The following CSF2RB variants were observed in gnomAD, a reference collection of about 807,000 sequenced individuals.
CSF2RB encodes the protein colony stimulating factor 2 receptor subunit beta.
Under a neutral mutation model 67.2 loss-of-function variants are expected in CSF2RB, and 22 were observed. The ratio of observed to expected loss-of-function variants is 0.33; its 90% CI spans 0.23 to 0.47. CSF2RB has a LOEUF of 0.47. Ranked by LOEUF, CSF2RB falls within the 20% of genes least tolerant of loss-of-function variation. The probability of loss-of-function intolerance (pLI) is 1.00; values close to 1 mark genes in which losing one functional copy is unlikely to be tolerated. For missense variants in CSF2RB, 1,113 were observed against 1,174.5 expected (o/e 0.95, Z 0.76); for synonymous variants, 507 against 482.9 (o/e 1.05, Z -0.65).
intron 1 of CSF2RB, among the ~76,000 whole-genome samples, chr22:36,921,307 G>C (rs1940863312): frequency 6.6e-6 from 1 of 151,530 alleles, no homozygotes; most frequent in African/African-American, 2.4e-5. Flanking sequence ...GTATGTATCT[G>C]TGTGTGTCTG....
Position 36,937,779 on chromosome 22 carries a change from G to A in CSF2RB, c.1971G>A (p.Arg657=). 5 of 1,581,068 alleles carry A rather than the reference G, an allele frequency of 3.2e-6. No individual in the cohort carries two copies. The highest frequency in any genetic ancestry group is 4.3e-6 in the Non-Finnish European group (5 of 1,163,498). The part of the protein sequence containing the change: ...GPGQAVEVER[R]PSQGAAGSPS... ...GACAGGCCGTGGAAGTGGAGAGAAG[G>A]CCGAGCCAGGGGGCTGCAGGGAGTC... The change falls in exon 14 of 14, where the codon AGG becomes AGA. Residue 657 remains arginine (R), a synonymous_variant. Transcript: ENST00000403662. This position sits in a 1 kb window ranked among gnomAD's most constrained non-coding sequence, Gnocchi z 4.6.
intron 4 of CSF2RB, 92 bp downstream of exon 4, chr22:36,926,269 C>G: frequency 7.6e-7 from 1 of 1,323,640 alleles, no homozygotes; most frequent in Non-Finnish European, 1.1e-6. Context: ...AGGCAGAAGG[C>G]TGTGGCTTGG....
Position 36,915,384 on chromosome 22 carries a change from T to C in CSF2RB, c.-173+1707T>C, listed in dbSNP as rs573316328. On this transcript the variant is annotated intron_variant, in intron 1 of 13. Transcript: ENST00000403662. ...ACAGGCTTGAGCCACTGTGCCAGGA[T>C]GGTAGTTTTTCTTTTTACAGAAATG... Among the ~76,000 whole-genome samples, 758 of 151,336 alleles carry C rather than the reference T, an allele frequency of 5.0e-3. 5 individuals carry two copies. The highest frequency in any genetic ancestry group is 0.018 in the African/African-American group (740 of 41,438).
At chr22:36,917,553 C>G (rs939198257) in intron 1 of CSF2RB, among the ~76,000 whole-genome samples, 3 of 152,160 alleles carry the variant, frequency 2.0e-5, no homozygotes, top group Non-Finnish European at 4.4e-5. Flanking sequence ...CTCTGTCATC[C>G]TCCTGTCCCC....
rs191616578 is a variant in CSF2RB, at chr22:36,932,999, T to A, written c.1152+95T>A. ...TTCCACCTGCAAGGCGTCGGGCCCTTGGCAGGTGACCAGTGAGAGGTAGCC... is the reference window on the plus strand; with the variant it reads ...TTCCACCTGCAAGGCGTCGGGCCCTAGGCAGGTGACCAGTGAGAGGTAGCC... On this transcript the variant is annotated intron_variant, in intron 9 of 13. Coordinates refer to ENST00000403662, the MANE Select transcript of CSF2RB (RefSeq NM_000395.3). 174 of 1,506,660 alleles carry A rather than the reference T, an allele frequency of 1.2e-4. No individual in the cohort carries two copies. In the African/African-American group the frequency reaches 2.0e-3, roughly 18 times the overall value. The allele number at this position is 1,506,660 out of a possible 1,614,324, so 93.3% of individuals were successfully genotyped here. A position where few individuals can be genotyped will look rare whatever the true frequency, so the allele number is the denominator to read the frequency against.
In CSF2RB at chr22:36,932,763, A is replaced by G; in HGVS notation, c.1013-2A>G. 1 of 1,613,508 alleles carries G rather than the reference A, an allele frequency of 6.2e-7. No individual in the cohort carries two copies. ...CTCTCCTGAAAGCTTCCCTCCCTCCAGTCCAGATGGCCCCTCCATCCCTCA... is the reference window on the plus strand; with the variant it reads ...CTCTCCTGAAAGCTTCCCTCCCTCCGGTCCAGATGGCCCCTCCATCCCTCA... On this transcript the variant is annotated splice_acceptor_variant, in intron 8 of 13. Coordinates refer to ENST00000403662, the MANE Select transcript of CSF2RB (RefSeq NM_000395.3). LOFTEE classifies it high-confidence loss of function.
In CSF2RB at chr22:36,938,061, A is replaced by AC. The variant is rs748885990; in HGVS notation, c.2258dup (p.Gly754TrpfsTer11). ...GCTTATGTCCTGGGCTGGCCAGTGG[A>AC]CCCCCTGGAGCCCCAGGCCCTGTGA... On this transcript the variant is annotated frameshift_variant, in exon 14 of 14. Transcript: ENST00000403662. LOFTEE classifies it low-confidence loss of function (END_TRUNC). 3 of 1,613,444 alleles carry AC rather than the reference A, an allele frequency of 1.9e-6. No individual in the cohort carries two copies. The highest frequency in any genetic ancestry group is 2.2e-5 in the South Asian group (2 of 91,026).
Position 36,939,462 on chromosome 22 carries a change from C to T in CSF2RB, c.*960C>T, listed in dbSNP as rs1238550347. 3.6e-6 allele frequency: 2 copies of T among 550,216 alleles called. No individual in the cohort carries two copies. The highest frequency in any genetic ancestry group is 3.0e-5 in the East Asian group (1 of 32,910). 34.1% of individuals were successfully genotyped at this position (550,216 alleles called of 1,614,324 possible). ...CCAGGCAACTCTCCCTCCCACCGGC[C>T]ACAGATGAGGGGCTGCTGATCTATG... is the stretch of plus-strand genomic sequence containing the variant. On this transcript the variant is annotated 3_prime_UTR_variant, in exon 14 of 14. Transcript: ENST00000403662.
chr22:36,915,568 T>C (rs947100470), intron 1 of CSF2RB, among the ~76,000 whole-genome samples: 76 of 152,258 alleles, frequency 5.0e-4, no homozygotes, highest in African/African-American at 1.8e-3. Context: ...TACACCACAA[T>C]TCATCTAATC....
In CSF2RB at chr22:36,938,672, T is replaced by G; in HGVS notation, c.*170T>G. ...CCCCCTTGACCTTCAGCAAATCACT[T>G]CTCTCCCTGCGCTCACACAGACACA... On this transcript the variant is annotated 3_prime_UTR_variant, in exon 14 of 14. Coordinates refer to ENST00000403662, the MANE Select transcript of CSF2RB (RefSeq NM_000395.3). 1 of 648,342 alleles carries G rather than the reference T, an allele frequency of 1.5e-6. No homozygotes were observed. The highest frequency in any genetic ancestry group is 2.0e-5 in the South Asian group (1 of 49,786). The allele number at this position is 648,342 out of a possible 1,614,324, so 40.2% of individuals were successfully genotyped here. A position where few individuals can be genotyped will look rare whatever the true frequency, so the allele number is the denominator to read the frequency against.
intron 6 of CSF2RB, 31 bp downstream of exon 6, chr22:36,929,838 G>A (rs371405527): frequency 5.2e-5 from 84 of 1,606,310 alleles, no homozygotes; most frequent in Middle Eastern, 5.0e-4. Context: ...GAAATGCCCC[G>A]TGGTGGGAGG....
chr22:36,923,664 C>T (rs1940937106), intron 3 of CSF2RB: 3 of 1,367,442 alleles, frequency 2.2e-6, no homozygotes, highest in African/African-American at 2.9e-5. Flanking sequence ...AACACAATTG[C>T]CCCACATGAC....
Position 36,936,632 on chromosome 22 carries a change from C to A in CSF2RB, c.1548C>A (p.Ser516Arg), listed in dbSNP as rs1423630904. 1.9e-6 allele frequency: 3 copies of A among 1,613,558 alleles called. No individual in the cohort carries two copies. The highest frequency in any genetic ancestry group is 2.5e-6 in the Non-Finnish European group (3 of 1,179,944). The change falls in exon 13 of 14, where the codon AGC (serine) becomes AGA (arginine). Residue 516 changes from serine to arginine, a missense_variant. By Grantham distance (110) the Ser-to-Arg change is moderately radical. Transcript: ENST00000403662. ...CCCCACACCAGGGGCCGTGGGGCAGCCGCTTCCCTGAGCTGGAGGGGTGAG... is the reference window on the plus strand; with the variant it reads ...CCCCACACCAGGGGCCGTGGGGCAGACGCTTCCCTGAGCTGGAGGGGTGAG... Reference protein sequence around the residue: ...GSPPHQGPWGSRFPELEGVFP... With the variant: ...GSPPHQGPWGRRFPELEGVFP...
intron 1 of CSF2RB, 148 bp from the exon 2 acceptor site, chr22:36,921,888 A>G (rs1411410823): frequency 8.8e-5 from 41 of 468,248 alleles, no homozygotes; most frequent in Non-Finnish European, 2.4e-5. Context: ...CTCAGGCCAC[A>G]CAGCGCATGT....
At chr22:36,922,595 ACT>A (rs1940904167) in intron 2 of CSF2RB, 1 of 511,472 alleles carries the variant, frequency 2.0e-6, no homozygotes, top group Non-Finnish European at 3.6e-6. Flanking sequence ...CCCAGCAGAC[ACT>A]CTCTGTGCCT....
chr22:36,938,850 T>C lies in CSF2RB; in HGVS notation c.*348T>C. 2 of 538,696 alleles carry C rather than the reference T, an allele frequency of 3.7e-6. No individual in the cohort carries two copies. The highest frequency in any genetic ancestry group is 6.5e-6 in the Non-Finnish European group (2 of 306,190). The allele number at this position is 538,696 out of a possible 1,614,324, so 33.4% of individuals were successfully genotyped here. A position where few individuals can be genotyped will look rare whatever the true frequency, so the allele number is the denominator to read the frequency against. Reference sequence around the variant, plus strand: ...TTTGCCATTTTTCTTCCTTCTTTTTTCACTGATTTATTATGAGAGTGGGGC... The same window carrying C: ...TTTGCCATTTTTCTTCCTTCTTTTTCCACTGATTTATTATGAGAGTGGGGC... On this transcript the variant is annotated 3_prime_UTR_variant, in exon 14 of 14. Transcript: ENST00000403662.
Position 36,937,544 on chromosome 22 carries a change from C to T in CSF2RB, c.1736C>T (p.Thr579Ile). ...CCAGGCCCGCCTGCCGCCTCCCACA[C>T]ACCTGAGAAACAGGCTTCCAGCTTT... ...PQPGPPAASH[T>I]PEKQASSFDF... The change falls in exon 14 of 14, where the codon ACA becomes ATA. Residue 579 changes from threonine (T) to isoleucine (I), a missense_variant. By Grantham distance (89) the Thr-to-Ile change is moderately conservative. Transcript: ENST00000403662. This position sits in a 1 kb window ranked among gnomAD's most constrained non-coding sequence, Gnocchi z 4.6. The T allele has an allele frequency of 6.2e-7, 1 of 1,613,712 alleles. No homozygotes were observed. The highest frequency in any genetic ancestry group is 8.5e-7 in the Non-Finnish European group (1 of 1,179,808).
intron 1 of CSF2RB, among the ~76,000 whole-genome samples, chr22:36,921,286 GTGTGTA>G (rs1569130895): frequency 8.3e-6 from 1 of 120,772 alleles, no homozygotes; most frequent in Non-Finnish European, 1.9e-5. Flanking sequence ...GTGTGTATAT[GTGTGTA>G]TATTGTATGT....
chr22:36,930,584 G>A (rs1415620450), intron 7 of CSF2RB, 74 bp downstream of exon 7: 1 of 1,610,812 alleles, frequency 6.2e-7, no homozygotes, highest in African/African-American at 1.3e-5. Flanking sequence ...TGTCCCTGGG[G>A]CCCCAGCAGA....
Sources: gnomAD v4.1 joint callset for allele counts (sites outside exome capture counted in the v4.1 genomes callset) on GRCh38, gnomAD v4.1.1 for gene constraint, Gnocchi (gnomAD v3.1) non-coding constraint, MANE v1.5 for transcripts, NCBI Gene and HGNC (gene_info 2026-07-23, HGNC 2026-07-21) for gene names.